Variants in UBE3A observed in about 807,000 individuals in gnomAD.
UBE3A encodes the protein ubiquitin-protein ligase E3A.
A neutral mutation model predicts 83.4 loss-of-function variants in UBE3A; 6 were observed. The ratio of observed to expected loss-of-function variants is 0.07; its 90% CI spans 0.04 to 0.14. UBE3A has a LOEUF of 0.14. Among genes scored for constraint, UBE3A ranks in the 10% least tolerant of loss-of-function variants. UBE3A has a pLI of 1.00. For synonymous variants in UBE3A, 337 were observed against 355.4 expected, an observed-to-expected ratio of 0.95 and a Z score of 0.58; for missense variants, 456 against 1,036.1, an observed-to-expected ratio of 0.44 and a Z score of 7.69.
In UBE3A at chr15:25,411,601, C is replaced by T. The variant is rs1298713488; in HGVS notation, c.-101+307G>A. On this transcript the variant is annotated intron_variant, in intron 2 of 12. Transcript: ENST00000648336. ...CAAGACTCTGTCTCAAAAACAACAGCAGCAGCAGCAGCAGCAACAACAACA... is the reference window on the plus strand; with the variant it reads ...CAAGACTCTGTCTCAAAAACAACAGTAGCAGCAGCAGCAGCAACAACAACA... Among the ~76,000 whole-genome samples the T allele has an allele frequency of 2.0e-5, 3 of 149,756 alleles. No homozygotes were observed. In the East Asian group the frequency reaches 5.9e-4, roughly 30 times the overall value.
At chr15:25,362,843 T>C (rs1366576394) in intron 6 of UBE3A, among the ~76,000 whole-genome samples, 1 of 152,208 alleles carries the variant, frequency 6.6e-6, no homozygotes, top group African/African-American at 2.4e-5. Context: ...TGTTTATATT[T>C]ACCTTTACAT....
chr15:25,408,850 T>C, intron 3 of UBE3A: 1 of 764,174 alleles, frequency 1.3e-6, no homozygotes, highest in South Asian at 2.4e-5. Flanking sequence ...TTGAAGTTTT[T>C]TTGAGAAATA....
At chr15:25,418,672 A>G (rs1028728209) in intron 1 of UBE3A, 1 of 152,158 alleles carries the variant, frequency 6.6e-6, no homozygotes, top group African/African-American at 2.4e-5. Context: ...AAAGGTGTAT[A>G]CATTTGTCAC....
chr15:25,422,674 G>C (rs1699846532), intron 1 of UBE3A, among the ~76,000 whole-genome samples: 1 of 151,842 alleles, frequency 6.6e-6, no homozygotes, highest in South Asian at 2.1e-4. Context: ...AAAAGTATCA[G>C]AAGAAAATAC....
At chr15:25,384,960 C>G (rs1015929516) in intron 4 of UBE3A, among the ~76,000 whole-genome samples, 3 of 152,148 alleles carry the variant, frequency 2.0e-5, no homozygotes, top group African/African-American at 7.2e-5. Context: ...TGAACTCAAG[C>G]TGGATTACAG....
Position 25,438,917 on chromosome 15 carries a change from C to G in UBE3A, c.-593G>C, listed in dbSNP as rs1406676476. 2.0e-5 allele frequency: 3 copies of G among 152,320 alleles called. No homozygotes were observed. The highest frequency in any genetic ancestry group is 1.5e-5 in the Non-Finnish European group (1 of 68,156). 9.4% of individuals were successfully genotyped at this position (152,320 alleles called of 1,614,324 possible). A position where few individuals can be genotyped will look rare whatever the true frequency, so the allele number is the denominator to read the frequency against. On this transcript the variant is annotated 5_prime_UTR_variant, in exon 1 of 13. Coordinates refer to ENST00000648336, the MANE Select transcript of UBE3A (RefSeq NM_130839.5). ...GCGAGCGAAGCCTGGTGTGTCGGGT[C>G]CTGGCGAAGGGAAAAGGCCCCGTCG...
intron 1 of UBE3A, among the ~76,000 whole-genome samples, chr15:25,425,757 T>C (rs1044135152): frequency 2.0e-5 from 3 of 152,220 alleles, no homozygotes; most frequent in East Asian, 1.9e-4. Context: ...AAATAGATTC[T>C]ACACACCAAT....
rs914600464 is a variant in UBE3A, at chr15:25,334,018, C to A, written c.*5119G>T. 1 of 151,906 alleles carries A rather than the reference C, an allele frequency of 6.6e-6. No homozygotes were observed. The highest frequency in any genetic ancestry group is 2.4e-5 in the African/African-American group (1 of 41,384). The allele number at this position is 151,906 out of a possible 1,614,324, so 9.4% of individuals were successfully genotyped here. On this transcript the variant is annotated 3_prime_UTR_variant, in exon 13 of 13. Transcript: ENST00000648336. ...CAATGGTGAAAGACTGAATGCTTTC[C>A]CCTTAAAATCAGGAACAAGAAAAAG...
intron 4 of UBE3A, among the ~76,000 whole-genome samples, chr15:25,391,362 G>A (rs1450706935): frequency 6.6e-6 from 1 of 152,176 alleles, no homozygotes; most frequent in East Asian, 1.9e-4. Flanking sequence ...AAGAAGAGTT[G>A]TTCAATGAAT....
At chr15:25,355,768 A>AT in intron 9 of UBE3A, 124 bp downstream of exon 9, 2 of 1,008,050 alleles carry the variant, frequency 2.0e-6, no homozygotes, top group South Asian at 3.2e-5. Flanking sequence ...TAGCATTTAC[A>AT]TAAACTTAGT....
At chr15:25,416,578 C>T (rs904088883) in intron 1 of UBE3A, among the ~76,000 whole-genome samples, 3 of 149,734 alleles carry the variant, frequency 2.0e-5, no homozygotes, top group Non-Finnish European at 3.0e-5. Flanking sequence ...GCTAGCTAAA[C>T]GGGTGCTCAG....
chr15:25,434,796 T>C (rs1236739662), intron 1 of UBE3A, among the ~76,000 whole-genome samples: 1 of 152,100 alleles, frequency 6.6e-6, no homozygotes, highest in Non-Finnish European at 1.5e-5. Flanking sequence ...TTTTAAAGCT[T>C]TGCACTCCAA....
chr15:25,419,740 C>A (rs1390662899), intron 1 of UBE3A, among the ~76,000 whole-genome samples: 1 of 151,866 alleles, frequency 6.6e-6, no homozygotes, highest in East Asian at 1.9e-4. Context: ...ATGTTAAGAT[C>A]ATAATACCAA....
At chr15:25,347,897 T>A (rs952364175) in intron 11 of UBE3A, among the ~76,000 whole-genome samples, 2 of 151,912 alleles carry the variant, frequency 1.3e-5, no homozygotes, top group East Asian at 3.9e-4. Context: ...ATATAAATGG[T>A]CTAAATAAAA....
chr15:25,420,712 G>A (rs991792834), intron 1 of UBE3A: 6 of 152,326 alleles, frequency 3.9e-5, no homozygotes, highest in Non-Finnish European at 8.8e-5. Flanking sequence ...TGGTGGGAAT[G>A]TAAAATGGTG....
At chr15:25,408,740 G>A in intron 3 of UBE3A, 1 of 1,427,924 alleles carries the variant, frequency 7.0e-7, no homozygotes, top group Non-Finnish European at 9.5e-7. Flanking sequence ...CTAGAGAAAT[G>A]TTTAGTTAAA....
intron 11 of UBE3A, among the ~76,000 whole-genome samples, chr15:25,344,552 T>A (rs763556975): frequency 2.0e-5 from 3 of 152,216 alleles, no homozygotes; most frequent in Non-Finnish European, 4.4e-5. Context: ...CTAAGCAATT[T>A]GAATATCATT....
intron 4 of UBE3A, among the ~76,000 whole-genome samples, chr15:25,390,833 G>C (rs2036534082): frequency 6.6e-6 from 1 of 151,932 alleles, no homozygotes; most frequent in South Asian, 2.1e-4. Flanking sequence ...TACCACTCTG[G>C]TGGGAGATGC....
At chr15:25,399,678 CCTT>C (rs1246227131) in intron 4 of UBE3A, among the ~76,000 whole-genome samples, 9 of 152,126 alleles carry the variant, frequency 5.9e-5, no homozygotes, top group African/African-American at 1.4e-4. Flanking sequence ...AAGCAATCCT[CCTT>C]CTTCAGCCTC....
Sources: allele counts gnomAD v4.1 joint callset (sites outside exome capture counted in the v4.1 genomes callset), GRCh38; gene constraint gnomAD v4.1.1; transcripts MANE v1.5; gene names NCBI Gene and HGNC (gene_info 2026-07-23, HGNC 2026-07-21).